DPP10: variants seen among roughly 807,000 people sequenced by gnomAD.
The protein encoded by DPP10 is dipeptidyl peptidase like 10.
A neutral mutation model predicts 120.9 loss-of-function variants in DPP10; 33 were observed. The observed-to-expected ratio is 0.27, with a 90% CI of 0.21 to 0.37. DPP10 has a LOEUF of 0.37. DPP10 is among the 10% of genes least tolerant of loss of function. The pLI is 1.00. For synonymous variants in DPP10, 337 were observed against 326.1 expected (o/e 1.03, Z -0.36); for missense variants, 816 against 942.8 (o/e 0.87, Z 1.76).
chr2:114,834,520 ACATATCTACGCACCTATGTATATATAAGC>A (rs1558790748), intron 1 of DPP10, among the ~76,000 whole-genome samples: 6 of 87,220 alleles, frequency 6.9e-5, no homozygotes, highest in African/African-American at 1.6e-4. Flanking sequence ...TATATATAAG[ACATATCTACGCACCTATGTATATATAAGC>A]CATATCTACG....
chr2:114,447,571 T>C (rs1234579116), intron 1 of DPP10, among the ~76,000 whole-genome samples: 1 of 152,220 alleles, frequency 6.6e-6, no homozygotes, highest in Non-Finnish European at 1.5e-5. Context: ...TACTTCTACA[T>C]TGTACCTTAT....
At chr2:114,801,136 G>T (rs1004321381) in intron 1 of DPP10, among the ~76,000 whole-genome samples, 4 of 151,594 alleles carry the variant, frequency 2.6e-5, no homozygotes, top group Admixed American at 6.6e-5. Context: ...GGTGGAGGGC[G>T]CCTGTAGTCC....
intron 3 of DPP10, among the ~76,000 whole-genome samples, chr2:115,483,284 A>T (rs2075552392): frequency 6.6e-6 from 1 of 152,110 alleles, no homozygotes; most frequent in Admixed American, 6.6e-5. Context: ...GATTTTTAAA[A>T]AATTATTTCA....
intron 1 of DPP10, among the ~76,000 whole-genome samples, chr2:114,576,861 A>G (rs1690091646): frequency 6.7e-6 from 1 of 150,282 alleles, no homozygotes; most frequent in East Asian, 1.9e-4. Context: ...CTACCAATGA[A>G]TTGGGAAGAG....
intron 1 of DPP10, among the ~76,000 whole-genome samples, chr2:115,174,777 T>A (rs1461090511): frequency 2.0e-5 from 3 of 152,220 alleles, no homozygotes; most frequent in Non-Finnish European, 4.4e-5. Flanking sequence ...CACAGCCAAC[T>A]TCTTAAGTCA....
intron 1 of DPP10, among the ~76,000 whole-genome samples, chr2:115,232,170 C>T (rs1188943977): frequency 6.6e-6 from 1 of 152,082 alleles, no homozygotes; most frequent in African/African-American, 2.4e-5. Flanking sequence ...CGGAAGGCTC[C>T]CCTGTAACAT....
intron 5 of DPP10, among the ~76,000 whole-genome samples, chr2:115,578,468 G>A (rs1239270712): frequency 1.4e-5 from 2 of 141,056 alleles, no homozygotes; most frequent in Non-Finnish European, 3.2e-5. Context: ...CTTCTATTAT[G>A]GCTTCTCTCC....
chr2:115,542,048 C>G (rs2079202183), intron 5 of DPP10, among the ~76,000 whole-genome samples: 1 of 151,940 alleles, frequency 6.6e-6, no homozygotes, highest in African/African-American at 2.4e-5. Flanking sequence ...AGACAATTGA[C>G]TAGCATAACA....
intron 1 of DPP10, among the ~76,000 whole-genome samples, chr2:114,923,145 A>G (rs1000077443): frequency 9.3e-5 from 14 of 151,260 alleles, no homozygotes; most frequent in African/African-American, 3.4e-4. Context: ...CATCAGATAT[A>G]TGATTTATAA....
At chr2:115,369,025 C>G (rs1438388761) in intron 3 of DPP10, among the ~76,000 whole-genome samples, 2 of 152,020 alleles carry the variant, frequency 1.3e-5, no homozygotes, top group African/African-American at 2.4e-5. Context: ...AAAGGATAGG[C>G]TCTGCATATA....
chr2:115,059,492 G>A (rs1706221862), intron 1 of DPP10, among the ~76,000 whole-genome samples: 1 of 151,404 alleles, frequency 6.6e-6, no homozygotes, highest in Non-Finnish European at 1.5e-5. Context: ...TGCTAGCTTT[G>A]TAGACACATG....
intron 1 of DPP10, among the ~76,000 whole-genome samples, chr2:114,550,912 T>C (rs1687834034): frequency 6.6e-6 from 1 of 152,180 alleles, no homozygotes; most frequent in Non-Finnish European, 1.5e-5. Context: ...TCAGACGAGT[T>C]ACTTATCTCT....
At chr2:115,015,231 A>G (rs1392061900) in intron 1 of DPP10, among the ~76,000 whole-genome samples, 1 of 152,326 alleles carries the variant, frequency 6.6e-6, no homozygotes, top group African/African-American at 2.4e-5. Flanking sequence ...CATTACATAA[A>G]CAGAACCAAT....
chr2:114,518,563 G>A (rs550558204), intron 1 of DPP10, among the ~76,000 whole-genome samples: 14 of 152,174 alleles, frequency 9.2e-5, no homozygotes, highest in African/African-American at 2.9e-4. Context: ...ACTAAAATTC[G>A]TTCCAGGATG....
intron 5 of DPP10, among the ~76,000 whole-genome samples, chr2:115,618,859 T>C (rs375812283): frequency 6.6e-6 from 1 of 151,946 alleles, no homozygotes; most frequent in African/African-American, 2.4e-5. Context: ...TGATCTAGGA[T>C]ACACCCTTTG....
rs111582552 is a variant in DPP10 at position 114,525,229 on chromosome 2, A to G, written c.60+82391A>G. 6.1e-3 allele frequency among the ~76,000 whole-genome samples: 922 copies of G among 152,348 alleles called. 10 individuals are homozygous for G. Among genetic ancestry groups the G allele is most frequent in the African/African-American group, 0.021 (879 of 41,576 alleles). On this transcript the variant is annotated intron_variant, in intron 1 of 25. Coordinates refer to ENST00000410059, the MANE Select transcript of DPP10 (RefSeq NM_020868.6). Reference sequence around the variant, plus strand: ...ATTAACACAAGCCTGTACCCATTATAAAAATGTATTTGGCAAAGAAGGTAA... The same window carrying G: ...ATTAACACAAGCCTGTACCCATTATGAAAATGTATTTGGCAAAGAAGGTAA...
intron 4 of DPP10, among the ~76,000 whole-genome samples, chr2:115,511,513 A>C (rs1326019602): frequency 6.6e-6 from 1 of 151,734 alleles, no homozygotes; most frequent in East Asian, 2.0e-4. Context: ...TCAAGGAAGA[A>C]ACTCTCAGCC....
At chr2:115,549,657 ACTT>A (rs1324219309) in intron 5 of DPP10, among the ~76,000 whole-genome samples, 1 of 152,084 alleles carries the variant, frequency 6.6e-6, no homozygotes, top group East Asian at 1.9e-4. Context: ...AATGTATCTT[ACTT>A]CCTCTCTAGT....
intron 5 of DPP10, among the ~76,000 whole-genome samples, chr2:115,539,208 A>T (rs1337904135): frequency 2.0e-5 from 3 of 152,056 alleles, no homozygotes; most frequent in Non-Finnish European, 4.4e-5. Flanking sequence ...TGAAGGAATT[A>T]TGTAATTGTG....
Sources: allele counts gnomAD v4.1 joint callset (sites outside exome capture counted in the v4.1 genomes callset), GRCh38; gene constraint gnomAD v4.1.1; transcripts MANE v1.5; gene names NCBI Gene and HGNC (gene_info 2026-07-23, HGNC 2026-07-21).